The following MANEA variants were observed in gnomAD, a reference collection of about 807,000 sequenced individuals.
MANEA encodes mannosidase endo-alpha, also known as glycoprotein endo-alpha-1,2-mannosidase.
MANEA carries 25 observed loss-of-function variants against 36.8 expected under a neutral mutation model. The ratio of observed to expected loss-of-function variants is 0.68; its 90% CI spans 0.50 to 0.95. The LOEUF is 0.95. MANEA is among the 40% of genes least tolerant of loss of function. The pLI, the probability that MANEA is intolerant of heterozygous loss-of-function variation, is 0.00. For synonymous variants in MANEA, 198 were observed against 188.5 expected (o/e 1.05, Z -0.41); for missense variants, 565 against 558.8 (o/e 1.01, Z -0.11).
intron 2 of MANEA, among the ~76,000 whole-genome samples, chr6:95,588,626 T>G (rs1175257399): frequency 6.6e-6 from 1 of 151,968 alleles, no homozygotes; most frequent in East Asian, 1.9e-4. Flanking sequence ...ATTTAAGTCT[T>G]TATTCAAGAC....
At chr6:95,584,504 G>T (rs541584319) in intron 1 of MANEA, among the ~76,000 whole-genome samples, 1 of 152,180 alleles carries the variant, frequency 6.6e-6, no homozygotes, top group South Asian at 2.1e-4. Context: ...TTTGAGGTCA[G>T]ACTGGTTCTC....
At chr6:95,579,628 A>C (rs2127936580) in intron 1 of MANEA, among the ~76,000 whole-genome samples, 1 of 152,332 alleles carries the variant, frequency 6.6e-6, no homozygotes, top group East Asian at 1.9e-4. Context: ...TAGTTAATTG[A>C]AAGGGAAGTC....
intron 1 of MANEA, among the ~76,000 whole-genome samples, chr6:95,586,153 T>TA (rs374626463): frequency 2.0e-3 from 311 of 152,364 alleles, no homozygotes; most frequent in Non-Finnish European, 3.8e-3. Flanking sequence ...TGACTAAACG[T>TA]AATTGGCATG....
intron 2 of MANEA, among the ~76,000 whole-genome samples, chr6:95,589,242 G>T (rs79133719): frequency 0.016 from 2,402 of 152,162 alleles, 64 homozygotes; most frequent in African/African-American, 0.054. Context: ...TTAATCCATG[G>T]AGCTGGCATG....
At chr6:95,577,812 G>A (rs897427275) in intron 1 of MANEA, among the ~76,000 whole-genome samples, 174 bp downstream of exon 1, 7 of 152,234 alleles carry the variant, frequency 4.6e-5, no homozygotes, top group African/African-American at 1.7e-4. Context: ...GCGCCCAGCG[G>A]CGAGCCTGTA....
chr6:95,589,726 T>G (rs1769352223), intron 2 of MANEA, among the ~76,000 whole-genome samples: 1 of 152,164 alleles, frequency 6.6e-6, no homozygotes, highest in Non-Finnish European at 1.5e-5. Flanking sequence ...TACAGTTTAC[T>G]AAAACTTTAG....
chr6:95,600,625 G>A (rs1397987032), intron 3 of MANEA, among the ~76,000 whole-genome samples: 2 of 152,144 alleles, frequency 1.3e-5, no homozygotes, highest in African/African-American at 4.8e-5. Flanking sequence ...GAATTATTCA[G>A]TGTGCTAAGG....
intron 2 of MANEA, among the ~76,000 whole-genome samples, chr6:95,589,089 A>T (rs1366527989): frequency 6.6e-6 from 1 of 151,612 alleles, no homozygotes; most frequent in Non-Finnish European, 1.5e-5. Context: ...AGACAAAATT[A>T]AAAAATAAAC....
intron 2 of MANEA, among the ~76,000 whole-genome samples, chr6:95,590,355 C>G (rs1769365209): frequency 6.6e-6 from 1 of 152,172 alleles, no homozygotes; most frequent in South Asian, 2.1e-4. Context: ...GTGCTAGATT[C>G]TAGGGACATA....
chr6:95,608,682 C>T lies in MANEA; in HGVS notation c.*2277C>T, dbSNP rs1019188486. ...TTTAATAAAATAATTACAGTCATCC[C>T]TCAGTGTCTGTGGGGGATTGGTTCC... On this transcript the variant is annotated 3_prime_UTR_variant, in exon 5 of 5. Transcript: ENST00000358812. 3.3e-5 allele frequency: 5 copies of T among 151,628 alleles called. No individual in the cohort carries two copies. The highest frequency in any genetic ancestry group is 5.9e-5 in the Non-Finnish European group (4 of 67,710). 9.4% of individuals were successfully genotyped at this position (151,628 alleles called of 1,614,324 possible).
chr6:95,587,370 A>G (rs947867868), intron 2 of MANEA: 2 of 190,586 alleles, frequency 1.0e-5, no homozygotes, highest in African/African-American at 2.4e-5. Context: ...AAATATTTCT[A>G]TAGCCCAAAA....
intron 2 of MANEA, among the ~76,000 whole-genome samples, chr6:95,593,860 A>ACC (rs1423673989): frequency 1.3e-5 from 2 of 152,130 alleles, no homozygotes; most frequent in Non-Finnish European, 2.9e-5. Context: ...ATCCTGGCCA[A>ACC]CATGGTGAAA....
Position 95,606,508 on chromosome 6 carries a change from T to A in MANEA, c.*103T>A. 1.8e-6 allele frequency: 1 copy of A among 560,850 alleles called. No homozygotes were observed. The highest frequency in any genetic ancestry group is 2.7e-6 in the Non-Finnish European group (1 of 364,394). 34.7% of individuals were successfully genotyped at this position (560,850 alleles called of 1,614,324 possible). On this transcript the variant is annotated 3_prime_UTR_variant, in exon 5 of 5. Transcript: ENST00000358812. ...AACTGTCAAAATCAGTATATACTAT[T>A]AGTTATATTTAAAAATATTTTTTTA...
At chr6:95,604,774 A>G (rs370575805) in intron 3 of MANEA, 53 bp from the exon 4 acceptor site, 3 of 715,118 alleles carry the variant, frequency 4.2e-6, no homozygotes, top group Non-Finnish European at 4.5e-6. Context: ...GTATACTTCT[A>G]ATTTTACATT....
chr6:95,593,381 A>G (rs1313812640), intron 2 of MANEA, among the ~76,000 whole-genome samples: 1 of 152,200 alleles, frequency 6.6e-6, no homozygotes, highest in African/African-American at 2.4e-5. Context: ...GTAAGGGAGA[A>G]GAAAGAACAT....
chr6:95,605,857 C>T lies in MANEA; in HGVS notation c.841C>T (p.Leu281=), dbSNP rs1769698328. The change falls in exon 5 of 5, where the codon CTG becomes TTG. Residue 281 remains leucine (L), a synonymous_variant. Transcript: ENST00000358812. ...TACCAAGCCTGAAAAATGGGCCAAT[C>T]TGTTAACCACCTCAGGGTCTCGGAG... ...YITKPEKWAN[L]LTTSGSRSIR... The T allele has an allele frequency of 2.5e-6, 4 of 1,613,982 alleles. No homozygotes were observed. The East Asian group carries it at 8.9e-5, about 36-fold the overall frequency.
At chr6:95,588,703 A>C (rs1417851571) in intron 2 of MANEA, among the ~76,000 whole-genome samples, 1 of 151,898 alleles carries the variant, frequency 6.6e-6, no homozygotes, top group Non-Finnish European at 1.5e-5. Flanking sequence ...TAAAGTTTTA[A>C]TTTTCATTTG....
At chr6:95,604,137 T>C (rs963286028) in intron 3 of MANEA, among the ~76,000 whole-genome samples, 2 of 149,334 alleles carry the variant, frequency 1.3e-5, no homozygotes, top group Non-Finnish European at 3.0e-5. Flanking sequence ...TCATGAAAAA[T>C]GTCCTTTATA....
At chr6:95,585,969 C>A (rs561670205) in intron 1 of MANEA, among the ~76,000 whole-genome samples, 3 of 152,094 alleles carry the variant, frequency 2.0e-5, no homozygotes, top group African/African-American at 7.2e-5. Context: ...TCAAGACCAG[C>A]CTGGTCAACA....
Sources: gnomAD v4.1 joint callset for allele counts (sites outside exome capture counted in the v4.1 genomes callset) on GRCh38, gnomAD v4.1.1 for gene constraint, MANE v1.5 for transcripts, NCBI Gene and HGNC (gene_info 2026-07-23, HGNC 2026-07-21) for gene names.